Variants in CHLSN observed in about 807,000 individuals in gnomAD.
CHLSN encodes the protein cholesin.
At chr7:1,136,716 A>G in the CHLSN span, among the ~76,000 whole-genome samples, 5 of 150,802 alleles carry the variant, frequency 3.3e-5, no homozygotes, top group Admixed American at 6.7e-5. Flanking sequence ...TATCATCTAC[A>G]CATATATCAT....
At chr7:1,111,923 C>A in the CHLSN span, among the ~76,000 whole-genome samples, 1 of 152,074 alleles carries the variant, frequency 6.6e-6, no homozygotes, top group South Asian at 2.1e-4. Context: ...CTGCTACAGA[C>A]GTTAACCACG....
the CHLSN span, among the ~76,000 whole-genome samples, chr7:1,000,181 G>A: frequency 6.6e-6 from 1 of 152,200 alleles, no homozygotes; most frequent in Non-Finnish European, 1.5e-5. Context: ...GTGGGGCCCT[G>A]AGGGCGGCCC....
At chr7:1,032,002 T>G in the CHLSN span, among the ~76,000 whole-genome samples, 1 of 152,094 alleles carries the variant, frequency 6.6e-6, no homozygotes, top group Non-Finnish European at 1.5e-5. Flanking sequence ...GAATTCGCCT[T>G]CGAAACCTGG....
chr7:1,040,421 G>C, the CHLSN span, among the ~76,000 whole-genome samples: 1 of 152,074 alleles, frequency 6.6e-6, no homozygotes, highest in Admixed American at 6.5e-5. Flanking sequence ...CTTGAGCCTG[G>C]GAGTTCAAGG....
the CHLSN span, among the ~76,000 whole-genome samples, chr7:1,036,450 C>T: frequency 8.1e-6 from 1 of 123,026 alleles, no homozygotes; most frequent in Non-Finnish European, 2.0e-5. Flanking sequence ...TTCGGGTGCT[C>T]GTGGTGTGGC....
chr7:1,025,812 TC>T, the CHLSN span: 1 of 152,370 alleles, frequency 6.6e-6, no homozygotes, highest in Non-Finnish European at 1.5e-5. Context: ...CTTCACTGCC[TC>T]CCCTGGGCCT....
At chr7:995,615 C>G in the CHLSN span, among the ~76,000 whole-genome samples, 1 of 152,270 alleles carries the variant, frequency 6.6e-6, no homozygotes, top group Non-Finnish European at 1.5e-5. Flanking sequence ...ACTGAGCACC[C>G]TGACTGCTGG....
chr7:1,084,846 C>T, the CHLSN span, among the ~76,000 whole-genome samples: 1 of 152,272 alleles, frequency 6.6e-6, no homozygotes, highest in Non-Finnish European at 1.5e-5. Context: ...CGACATGCAA[C>T]TCCCTGAGGG....
chr7:987,248 G>A, the CHLSN span: 3 of 1,518,662 alleles, frequency 2.0e-6, no homozygotes, highest in Middle Eastern at 1.8e-4. Flanking sequence ...CGTGCAGGGT[G>A]AGACCCCGGC....
At chr7:1,117,391 C>G in the CHLSN span, among the ~76,000 whole-genome samples, 2 of 106,032 alleles carry the variant, frequency 1.9e-5, no homozygotes, top group African/African-American at 5.5e-5. Flanking sequence ...CCATCACCAA[C>G]GCCCACGCAG....
the CHLSN span, among the ~76,000 whole-genome samples, chr7:1,121,797 T>A: frequency 6.6e-6 from 1 of 152,116 alleles, no homozygotes; most frequent in Admixed American, 6.6e-5. Flanking sequence ...GCCACTGCAC[T>A]CACACAGGGC....
At chr7:1,021,961 CG>C in the CHLSN span, among the ~76,000 whole-genome samples, 10 of 152,154 alleles carry the variant, frequency 6.6e-5, no homozygotes, top group Non-Finnish European at 1.5e-4. Flanking sequence ...CGATCCTCCG[CG>C]GGGGTGGCAG....
the CHLSN span, among the ~76,000 whole-genome samples, chr7:1,115,560 CAGG>C: frequency 3.8e-5 from 5 of 132,484 alleles, no homozygotes; most frequent in Admixed American, 1.5e-4. Flanking sequence ...GCTCTACGGA[CAGG>C]CTTCCATCAC....
chr7:996,511 G>A, the CHLSN span, among the ~76,000 whole-genome samples: 1 of 152,234 alleles, frequency 6.6e-6, no homozygotes, highest in South Asian at 2.1e-4. Flanking sequence ...CGGCCCCGGG[G>A]CAGCAGCACC....
the CHLSN span, among the ~76,000 whole-genome samples, chr7:1,108,895 A>ATTTTTTTT: frequency 2.3e-5 from 3 of 129,514 alleles, no homozygotes; most frequent in African/African-American, 8.9e-5. Context: ...TCTCCCAGGC[A>ATTTTTTTT]TTTTTTTTTT....
At chr7:1,006,943 C>G in the CHLSN span, among the ~76,000 whole-genome samples, 1 of 152,212 alleles carries the variant, frequency 6.6e-6, no homozygotes, top group Non-Finnish European at 1.5e-5. Flanking sequence ...GATGCAAGAA[C>G]AGCCCAGGGT....
the CHLSN span, among the ~76,000 whole-genome samples, chr7:1,108,698 C>A: frequency 1.2e-3 from 186 of 152,208 alleles, 1 homozygote; most frequent in African/African-American, 4.3e-3. Context: ...CACTCTCTGC[C>A]GCCTGAGTGT....
the CHLSN span, among the ~76,000 whole-genome samples, chr7:1,017,923 G>C: frequency 1.3e-5 from 2 of 152,196 alleles, no homozygotes; most frequent in Admixed American, 1.3e-4. Context: ...CCCCATGTTT[G>C]TTCGGTGCAT....
chr7:1,048,735 G>A, the CHLSN span, among the ~76,000 whole-genome samples: 1 of 152,138 alleles, frequency 6.6e-6, no homozygotes, highest in Admixed American at 6.5e-5. Context: ...AGCCTGACGG[G>A]GTCCTGTCGC....
Sources: gnomAD v4.1 joint callset for allele counts (sites outside exome capture counted in the v4.1 genomes callset) on GRCh38, gnomAD v4.1.1 for gene constraint, MANE v1.5 for transcripts, NCBI Gene and HGNC (gene_info 2026-07-23, HGNC 2026-07-21) for gene names.